Variants in MDN1 observed in about 807,000 individuals in gnomAD.
MDN1 encodes midasin.
MDN1 carries 266 observed loss-of-function variants against 669.2 expected under a neutral mutation model. The ratio of observed to expected loss-of-function variants is 0.40; its 90% confidence interval spans 0.36 to 0.44. The LOEUF (loss-of-function observed/expected upper bound fraction) is 0.44. Among genes scored for constraint, MDN1 ranks in the 20% least tolerant of loss-of-function variants. The probability of loss-of-function intolerance (pLI) is 1.00; values close to 1 mark genes in which losing one functional copy is unlikely to be tolerated. For synonymous variants in MDN1, 2,385 were observed against 2,457.1 expected (o/e 0.97, Z 0.87); for missense variants, 5,940 against 6,754.0 (o/e 0.88, Z 4.22).
intron 83 of MDN1, among the ~76,000 whole-genome samples, chr6:89,670,170 A>ATATATATATATTT (rs1444537561): frequency 4.3e-5 from 1 of 23,408 alleles, no homozygotes; most frequent in African/African-American, 2.6e-4. Context: ...ATATATATAT[A>ATATATATATATTT]TTTTTTTTTT....
rs1814638258 is a variant in MDN1 at position 89,719,165 on chromosome 6, G to A, written c.6028C>T (p.Leu2010=). ...ACATCATAGGGAGTGATACGAAATA[G>A]TCTGGTTCCCATGTATGGGTTGGAA... ...SNSNPYMGTR[L]FRITPYDVQL... is the part of the protein sequence containing the mutation. The change falls in exon 41 of 102, where the codon CTA becomes TTA. Residue 2010 remains leucine, a synonymous_variant. Coordinates refer to ENST00000369393, the MANE Select transcript of MDN1 (RefSeq NM_014611.3). 1 of 1,613,804 alleles carries A rather than the reference G, an allele frequency of 6.2e-7. No individual in the cohort carries two copies. Among genetic ancestry groups the A allele is most frequent in the Non-Finnish European group, 8.5e-7 (1 of 1,179,688 alleles).
chr6:89,695,911 C>A lies in MDN1; in HGVS notation c.9465G>T (p.Arg3155=). Reference sequence around the variant, plus strand: ...GCTCACAGTTCTGCATGTACTCCTGCCGCCGGGACTCTGGGAGCAGCTCTG... The same window carrying A: ...GCTCACAGTTCTGCATGTACTCCTGACGCCGGGACTCTGGGAGCAGCTCTG... ...GLAELLPESR[R]QEYMQNCEQL... Residue 3155 remains arginine, a synonymous_variant, in exon 61 of 102, where the codon CGG becomes CGT. Coordinates refer to ENST00000369393, the MANE Select transcript of MDN1 (RefSeq NM_014611.3). This position sits in a 1 kb window ranked among gnomAD's most constrained non-coding sequence, Gnocchi z 4.1. 6.2e-7 allele frequency: 1 copy of A among 1,613,018 alleles called. No homozygotes were observed. The highest frequency in any genetic ancestry group is 8.5e-7 in the Non-Finnish European group (1 of 1,180,030).
intron 88 of MDN1, among the ~76,000 whole-genome samples, chr6:89,659,945 C>A (rs751414206): frequency 6.6e-6 from 1 of 152,044 alleles, no homozygotes; most frequent in African/African-American, 2.4e-5. Context: ...TGGCATGCAG[C>A]GGTGCCATCT....
At chr6:89,814,738 GCAGCCGCTGGA>G (rs1333820000) in intron 1 of MDN1, 6 of 365,860 alleles carry the variant, frequency 1.6e-5, no homozygotes, top group Non-Finnish European at 3.2e-5. Context: ...AGCACCAGGA[GCAGCCGCTGGA>G]CAGCAAGGAG....
At chr6:89,739,188 C>T (rs1816159106) in intron 32 of MDN1, among the ~76,000 whole-genome samples, 2 of 152,124 alleles carry the variant, frequency 1.3e-5, no homozygotes, top group African/African-American at 4.8e-5. Flanking sequence ...CTCCGGTGTC[C>T]AGCATCCTAC....
At chr6:89,704,995 T>G (rs966024109) in intron 53 of MDN1, among the ~76,000 whole-genome samples, 7 of 152,206 alleles carry the variant, frequency 4.6e-5, no homozygotes, top group Non-Finnish European at 7.3e-5. Flanking sequence ...TAAGAATATT[T>G]GAAATTATAT....
chr6:89,681,339 A>AT (rs1811604541), intron 73 of MDN1, among the ~76,000 whole-genome samples: 1 of 151,918 alleles, frequency 6.6e-6, no homozygotes, highest in African/African-American at 2.4e-5. Context: ...ATGCCTGGCT[A>AT]TTTTTTGTAT....
In MDN1 at chr6:89,693,060, C is replaced by T. The variant is rs750860018; in HGVS notation, c.9970G>A (p.Glu3324Lys). The change falls in exon 63 of 102, where the codon GAG becomes AAG. Residue 3324 changes from glutamate to lysine, a missense_variant. Physicochemically the swap from Glu to Lys is moderately conservative, Grantham distance 56. Around this residue, in one of 5 missense-constraint regions of MDN1, gnomAD observed 150 missense variants for 234.2 expected, o/e 0.64. Transcript: ENST00000369393. The stretch of plus-strand genomic sequence containing the variant: ...TGGTGGATCTCCTGAACCAGGGACT[C>T]GTAGGCAGGCAGCTGGGGTCTAAAG... ...QAFRPQLPAY[E>K]SLVQEIHHYV... The T allele has an allele frequency of 2.5e-6, 4 of 1,613,970 alleles. No homozygotes were observed. The highest frequency in any genetic ancestry group is 1.3e-5 in the African/African-American group (1 of 74,896).
chr6:89,788,410 A>G (rs1262633775), intron 7 of MDN1, among the ~76,000 whole-genome samples: 2 of 152,242 alleles, frequency 1.3e-5, no homozygotes, highest in African/African-American at 2.4e-5. Flanking sequence ...AAGAATGAGC[A>G]GAAATTAACC....
chr6:89,755,576 T>G (rs567994857), intron 20 of MDN1, among the ~76,000 whole-genome samples: 1 of 152,204 alleles, frequency 6.6e-6, no homozygotes, highest in Non-Finnish European at 1.5e-5. Flanking sequence ...CAATAAGTAT[T>G]TGTATTAAGG....
Position 89,650,048 on chromosome 6 carries a change from AC to A in MDN1, c.16181del (p.Ser5394IlefsTer3). The A allele has an allele frequency of 6.2e-7, 1 of 1,614,104 alleles. No homozygotes were observed. Among genetic ancestry groups the A allele is most frequent in the Non-Finnish European group, 8.5e-7 (1 of 1,180,016 alleles). On this transcript the variant is annotated frameshift_variant, in exon 97 of 102. Coordinates refer to ENST00000369393, the MANE Select transcript of MDN1 (RefSeq NM_014611.3). LOFTEE classifies it high-confidence loss of function. The part of the protein sequence containing the change: ...QICLAIDDSS[S>X]MVDNHTKQLA... ...CCTGCTTGGTATGATTGTCTACCAT[AC>A]TAGAAGAGTCATCGATAGCCAAACA...
Position 89,781,418 on chromosome 6 carries a change from C to T in MDN1, c.1624G>A (p.Gly542Arg). 1 of 1,613,998 alleles carries T rather than the reference C, an allele frequency of 6.2e-7. No individual in the cohort carries two copies. The highest frequency in any genetic ancestry group is 1.3e-5 in the African/African-American group (1 of 75,012). Residue 542 changes from glycine to arginine, a missense_variant, in exon 10 of 102, where the codon GGA (glycine) becomes AGA (arginine). Around this residue, in one of 5 missense-constraint regions of MDN1, gnomAD observed 1,203 missense variants for 1,268.9 expected, o/e 0.95. Transcript: ENST00000369393. ...RRENKRPTLE[G>R]RELSLRDLLN... ...CAGTACCTTAGAGATAATTCTCTTC[C>T]CTCAAGGGTTGGTCTTTTGTTTTCT...
chr6:89,755,273 G>A (rs1817186161), intron 20 of MDN1, among the ~76,000 whole-genome samples: 1 of 151,326 alleles, frequency 6.6e-6, no homozygotes, highest in Admixed American at 6.6e-5. Context: ...ACCAGGTGCT[G>A]TAGCTCAACC....
At chr6:89,740,707 G>T (rs1207418299) in intron 31 of MDN1, among the ~76,000 whole-genome samples, 1 of 152,158 alleles carries the variant, frequency 6.6e-6, no homozygotes, top group East Asian at 1.9e-4. Flanking sequence ...TCATTGACTG[G>T]TGAATGGATA....
intron 91 of MDN1, among the ~76,000 whole-genome samples, chr6:89,656,370 ACTTACT>A (rs1029819065): frequency 6.6e-6 from 1 of 152,122 alleles, no homozygotes; most frequent in African/African-American, 2.4e-5. Context: ...TTAAAAAAAA[ACTTACT>A]CTTAAAAAAG....
At chr6:89,755,451 C>T (rs1368211780) in intron 20 of MDN1, among the ~76,000 whole-genome samples, 1 of 151,216 alleles carries the variant, frequency 6.6e-6, no homozygotes, top group Non-Finnish European at 1.5e-5. Flanking sequence ...TATATGTTTT[C>T]ACTTATCACA....
At chr6:89,678,849 C>G in intron 74 of MDN1, 104 bp from the exon 75 acceptor site, 1 of 1,199,048 alleles carries the variant, frequency 8.3e-7, no homozygotes, top group Non-Finnish European at 1.2e-6. Flanking sequence ...GAACAAAGGC[C>G]AAGTATCATT....
rs1815148411 is a variant in MDN1 at position 89,725,365 on chromosome 6, C to A, written c.5504G>T (p.Gly1835Val). The part of the protein sequence containing the change: ...LNLASQSVLE[G>V]LNACFDHRGE... ...TCGGTGGTCAAAACAAGCATTGAGTCCTTCCAATACAGACTGAGAAGCCAG... is the reference window on the plus strand; with the variant it reads ...TCGGTGGTCAAAACAAGCATTGAGTACTTCCAATACAGACTGAGAAGCCAG... The change falls in exon 38 of 102, where the codon GGA becomes GTA. Residue 1835 changes from glycine to valine, a missense_variant. Physicochemically the swap from Gly to Val is moderately radical, Grantham distance 109 (BLOSUM62 -3). Coordinates refer to ENST00000369393, the MANE Select transcript of MDN1 (RefSeq NM_014611.3). The A allele has an allele frequency of 2.5e-6, 4 of 1,613,774 alleles. No individual in the cohort carries two copies. The highest frequency in any genetic ancestry group is 3.4e-6 in the Non-Finnish European group (4 of 1,179,856).
chr6:89,738,374 T>C lies in MDN1; in HGVS notation c.4675A>G (p.Ser1559Gly). The change falls in exon 33 of 102, where the codon AGT (serine) becomes GGT (glycine). Residue 1559 changes from serine to glycine, a missense_variant. Around this residue, in one of 5 missense-constraint regions of MDN1, gnomAD observed 2,292 missense variants for 2,638.3 expected, o/e 0.87. Coordinates refer to ENST00000369393, the MANE Select transcript of MDN1 (RefSeq NM_014611.3). The stretch of plus-strand genomic sequence containing the variant: ...CACAATCCTGGACGAAGATTATGAC[T>C]GATGATCTGAATTAAATCTTCACGG... The part of the protein sequence containing the change: ...TSREDLIQII[S>G]HNLRPGLCLG... 1 of 1,613,994 alleles carries C rather than the reference T, an allele frequency of 6.2e-7. No individual in the cohort carries two copies. The highest frequency in any genetic ancestry group is 1.6e-4 in the Middle Eastern group (1 of 6,062).
Sources: allele counts gnomAD v4.1 joint callset (sites outside exome capture counted in the v4.1 genomes callset), GRCh38; gene constraint gnomAD v4.1.1; regional missense constraint gnomAD v4.1.1; non-coding constraint Gnocchi (gnomAD v3.1); transcripts MANE v1.5; gene names NCBI Gene and HGNC (gene_info 2026-07-23, HGNC 2026-07-21).